HEMK2: variants seen among roughly 807,000 people sequenced by gnomAD.
HEMK2 encodes the protein HemK methyltransferase 2, ETF1 glutamine and histone H4 lysine, also known as methyltransferase HEMK2.
the HEMK2 span, among the ~76,000 whole-genome samples, chr21:28,807,008 C>T: frequency 6.6e-6 from 1 of 152,186 alleles, no homozygotes; most frequent in African/African-American, 2.4e-5. Flanking sequence ...TGGAAAATGT[C>T]AGAGGCAGGC....
chr21:28,584,957 C>T, the HEMK2 span, among the ~76,000 whole-genome samples: 2 of 152,216 alleles, frequency 1.3e-5, no homozygotes, highest in African/African-American at 4.8e-5. Flanking sequence ...GGATAGCACC[C>T]ATGAATACTT....
the HEMK2 span, among the ~76,000 whole-genome samples, chr21:28,881,256 T>C: frequency 3.3e-5 from 5 of 152,202 alleles, no homozygotes; most frequent in Admixed American, 3.3e-4. Flanking sequence ...CCTCCCATCA[T>C]TCTCAATCTA....
chr21:28,745,238 C>G, the HEMK2 span, among the ~76,000 whole-genome samples: 2 of 152,212 alleles, frequency 1.3e-5, no homozygotes, highest in Non-Finnish European at 2.9e-5. Context: ...GCAATACTGT[C>G]ATCTCGTGGT....
the HEMK2 span, among the ~76,000 whole-genome samples, chr21:28,706,313 T>C: frequency 0.2 from 29,846 of 152,144 alleles, 3,143 homozygotes; most frequent in East Asian, 0.38. Flanking sequence ...TCCACAATGG[T>C]TTGGTTACAT....
At chr21:28,741,458 T>C in the HEMK2 span, among the ~76,000 whole-genome samples, 1 of 152,320 alleles carries the variant, frequency 6.6e-6, no homozygotes, top group East Asian at 1.9e-4. Flanking sequence ...GGTAAACTTG[T>C]GTCATGGGGG....
the HEMK2 span, among the ~76,000 whole-genome samples, chr21:28,782,557 C>T: frequency 1.3e-5 from 2 of 151,896 alleles, no homozygotes; most frequent in Admixed American, 1.3e-4. Context: ...AAAGGAGACA[C>T]GAATAATCAA....
chr21:28,843,163 A>C, the HEMK2 span, among the ~76,000 whole-genome samples: 1 of 152,132 alleles, frequency 6.6e-6, no homozygotes, highest in Non-Finnish European at 1.5e-5. Flanking sequence ...GCGTTTTGTA[A>C]AGACAAATTA....
At chr21:28,677,049 T>G in the HEMK2 span, among the ~76,000 whole-genome samples, 1 of 152,046 alleles carries the variant, frequency 6.6e-6, no homozygotes, top group Non-Finnish European at 1.5e-5. Context: ...AGAAAGTGGG[T>G]GCAGGACAGT....
the HEMK2 span, among the ~76,000 whole-genome samples, chr21:28,751,478 T>C: frequency 6.6e-6 from 1 of 152,202 alleles, no homozygotes; most frequent in Non-Finnish European, 1.5e-5. Flanking sequence ...ATGTACCATG[T>C]GCAGATTAAA....
At chr21:28,806,105 G>A in the HEMK2 span, among the ~76,000 whole-genome samples, 3 of 152,126 alleles carry the variant, frequency 2.0e-5, no homozygotes, top group Non-Finnish European at 4.4e-5. Context: ...ATTTGGTAAA[G>A]TACCGTATTC....
At chr21:28,797,188 C>T in the HEMK2 span, among the ~76,000 whole-genome samples, 1 of 152,126 alleles carries the variant, frequency 6.6e-6, no homozygotes, top group African/African-American at 2.4e-5. Context: ...TTCACTGGGG[C>T]CCACAGTCAT....
the HEMK2 span, among the ~76,000 whole-genome samples, chr21:28,673,152 G>A: frequency 2.0e-5 from 3 of 148,020 alleles, no homozygotes; most frequent in Non-Finnish European, 4.5e-5. Flanking sequence ...AAAGAGGAAG[G>A]AAGGAAGGAA....
the HEMK2 span, among the ~76,000 whole-genome samples, chr21:28,709,400 CTTAGGGT>C: frequency 0.02 from 2,973 of 152,104 alleles, 82 homozygotes; most frequent in African/African-American, 0.068. Context: ...TCAGGAAGGG[CTTAGGGT>C]AAAGTCATGA....
the HEMK2 span, among the ~76,000 whole-genome samples, chr21:28,818,376 C>T: frequency 6.6e-6 from 1 of 152,134 alleles, no homozygotes; most frequent in African/African-American, 2.4e-5. Context: ...TGCTCCTCAG[C>T]TTGCAGATGG....
the HEMK2 span, among the ~76,000 whole-genome samples, chr21:28,696,707 CAGA>C: frequency 1.3e-5 from 2 of 152,178 alleles, no homozygotes; most frequent in African/African-American, 4.8e-5. Context: ...ACTGCCCTAG[CAGA>C]GGTTCTCCAT....
the HEMK2 span, among the ~76,000 whole-genome samples, chr21:28,839,010 T>TATATAC: frequency 1.4e-5 from 1 of 72,282 alleles, no homozygotes; most frequent in African/African-American, 7.4e-5. Context: ...TACATATATA[T>TATATAC]ACACAATCTG....
chr21:28,632,117 A>G, the HEMK2 span, among the ~76,000 whole-genome samples: 6 of 152,250 alleles, frequency 3.9e-5, no homozygotes, highest in Admixed American at 3.9e-4. Flanking sequence ...TAAAACAATG[A>G]GTGAGTTGAA....
the HEMK2 span, among the ~76,000 whole-genome samples, chr21:28,677,497 C>T: frequency 1.3e-5 from 2 of 152,216 alleles, no homozygotes; most frequent in Non-Finnish European, 2.9e-5. Context: ...CAAAAGGCAG[C>T]AGTATCCTCT....
chr21:28,840,737 T>C, the HEMK2 span, among the ~76,000 whole-genome samples: 6 of 151,834 alleles, frequency 4.0e-5, no homozygotes, highest in Non-Finnish European at 8.8e-5. Flanking sequence ...GGAACATTTC[T>C]ACACTGTTGG....
Sources: gnomAD v4.1 joint callset for allele counts (sites outside exome capture counted in the v4.1 genomes callset) on GRCh38, gnomAD v4.1.1 for gene constraint, MANE v1.5 for transcripts, NCBI Gene and HGNC (gene_info 2026-07-23, HGNC 2026-07-21) for gene names.